TANGO6: variants seen among roughly 807,000 people sequenced by gnomAD.
The protein encoded by TANGO6 is transport and Golgi organization protein 6 homolog.
Under a neutral mutation model 114.2 loss-of-function variants are expected in TANGO6, and 90 were observed. The ratio of observed to expected loss-of-function variants is 0.79; its 90% CI spans 0.66 to 0.94. The LOEUF (loss-of-function observed/expected upper bound fraction) is 0.94, where lower values mean the gene tolerates loss of function less well. Ranked by LOEUF, TANGO6 falls within the 40% of genes least tolerant of loss-of-function variation. The probability of loss-of-function intolerance (pLI) is 0.00; values close to 1 mark genes in which losing one functional copy is unlikely to be tolerated. For missense variants in TANGO6, 1,274 were observed against 1,315.3 expected (o/e 0.97, Z 0.49); for synonymous variants, 477 against 509.8 (o/e 0.94, Z 0.87).
Position 69,058,848 on chromosome 16 carries a change from A to G in TANGO6, c.3108+18427A>G, listed in dbSNP as rs576116712. ...ACCTGGCTAATTTTTTTGTATTTTT[A>G]GTAGAGATAGGGTTTCACCGTGTTA... is the stretch of plus-strand genomic sequence containing the variant. On this transcript the variant is annotated intron_variant, in intron 17 of 17. Transcript: ENST00000261778. Among the ~76,000 whole-genome samples, 118 of 149,918 alleles carry G rather than the reference A, an allele frequency of 7.9e-4. No individual in the cohort carries two copies. The Middle Eastern group carries it at 0.011, about 14-fold the overall frequency.
At chr16:68,851,017 CTTATT>C (rs1381738208) in intron 1 of TANGO6, among the ~76,000 whole-genome samples, 10 of 152,104 alleles carry the variant, frequency 6.6e-5, no homozygotes, top group Non-Finnish European at 1.5e-4. Flanking sequence ...CTGTAGATGA[CTTATT>C]TTAATTAGCT....
At chr16:68,936,386 G>A (rs958723186) in intron 14 of TANGO6, among the ~76,000 whole-genome samples, 1 of 151,946 alleles carries the variant, frequency 6.6e-6, no homozygotes, top group Non-Finnish European at 1.5e-5. Flanking sequence ...TACCCAGGCT[G>A]GAGTGCAATG....
Position 68,867,070 on chromosome 16 carries a change from T to C in TANGO6, c.853-9T>C. 1 of 1,607,718 alleles carries C rather than the reference T, an allele frequency of 6.2e-7. No individual in the cohort carries two copies. The highest frequency in any genetic ancestry group is 8.5e-7 in the Non-Finnish European group (1 of 1,177,774). ...ACATTCAGAATTCACACCTTCTTCT[T>C]TTTCTCAGTCCTGCACAGATGTGAA... On this transcript the variant is annotated splice_polypyrimidine_tract_variant and intron_variant, in intron 3 of 17. Transcript: ENST00000261778.
At chr16:68,878,828 T>G (rs1423037302) in intron 6 of TANGO6, among the ~76,000 whole-genome samples, 2 of 151,694 alleles carry the variant, frequency 1.3e-5, no homozygotes, top group Non-Finnish European at 2.9e-5. Context: ...ATCTCAGCAC[T>G]TTGGGAGGCT....
intron 14 of TANGO6, among the ~76,000 whole-genome samples, chr16:68,966,029 T>C (rs1963641865): frequency 6.6e-6 from 1 of 151,254 alleles, no homozygotes; most frequent in South Asian, 2.1e-4. Context: ...TCCAGGTGTT[T>C]GAGACCAGCT....
At chr16:68,928,298 A>ATTTTTTTTTTTTTTTTTTTTTTT (rs10701295) in intron 13 of TANGO6, among the ~76,000 whole-genome samples, 1 of 98,570 alleles carries the variant, frequency 1.0e-5, no homozygotes, top group Non-Finnish European at 1.9e-5. Context: ...CTGAGTGCCA[A>ATTTTTTTTTTTTTTTTTTTTTTT]TTTTTTTTTT....
chr16:69,000,156 T>G (rs200489446), intron 15 of TANGO6, among the ~76,000 whole-genome samples: 1 of 152,208 alleles, frequency 6.6e-6, no homozygotes, highest in Non-Finnish European at 1.5e-5. Context: ...TTATAGAAGT[T>G]TCACATAATT....
At chr16:68,848,754 G>A (rs577898004) in intron 1 of TANGO6, among the ~76,000 whole-genome samples, 2 of 152,040 alleles carry the variant, frequency 1.3e-5, no homozygotes, top group Non-Finnish European at 2.9e-5. Flanking sequence ...CCAATGAAGT[G>A]ATCTTTTTTG....
chr16:68,970,608 A>G (rs1276859928), intron 14 of TANGO6, among the ~76,000 whole-genome samples: 1 of 150,010 alleles, frequency 6.7e-6, no homozygotes, highest in Non-Finnish European at 1.5e-5. Context: ...TGGAGGTTGC[A>G]GTGAGCTGAG....
chr16:68,853,077 G>T (rs1416289531), intron 1 of TANGO6, among the ~76,000 whole-genome samples: 2 of 151,974 alleles, frequency 1.3e-5, no homozygotes, highest in Non-Finnish European at 2.9e-5. Context: ...ATTTATTTGG[G>T]TTTTTTGTAG....
intron 15 of TANGO6, among the ~76,000 whole-genome samples, chr16:68,997,372 A>G (rs1964001280): frequency 6.6e-6 from 1 of 152,198 alleles, no homozygotes. Flanking sequence ...CTGAACAGGG[A>G]TGGATTATTC....
At chr16:68,939,265 C>T (rs946133843) in intron 14 of TANGO6, among the ~76,000 whole-genome samples, 7 of 152,162 alleles carry the variant, frequency 4.6e-5, no homozygotes, top group African/African-American at 1.7e-4. Flanking sequence ...TGGCAGGCGC[C>T]TGTAATCCCA....
intron 17 of TANGO6, among the ~76,000 whole-genome samples, chr16:69,053,988 C>T (rs773529264): frequency 2.0e-5 from 3 of 152,088 alleles, no homozygotes; most frequent in Non-Finnish European, 4.4e-5. Flanking sequence ...TCGCTAGAAC[C>T]CCGGGGATGG....
At chr16:68,904,202 G>A (rs1237911800) in intron 9 of TANGO6, among the ~76,000 whole-genome samples, 1 of 152,148 alleles carries the variant, frequency 6.6e-6, no homozygotes, top group Non-Finnish European at 1.5e-5. Flanking sequence ...TGCCTCCTGG[G>A]TTCAAGCAAT....
intron 5 of TANGO6, among the ~76,000 whole-genome samples, chr16:68,876,842 A>G (rs1962369879): frequency 6.6e-6 from 1 of 152,114 alleles, no homozygotes; most frequent in Non-Finnish European, 1.5e-5. Flanking sequence ...AACAAAAAAC[A>G]CAGTGTACCT....
intron 3 of TANGO6, 58 bp downstream of exon 3, chr16:68,863,119 G>GTCT (rs140219884): frequency 7.5e-6 from 8 of 1,064,718 alleles, no homozygotes; most frequent in Non-Finnish European, 9.3e-6. Flanking sequence ...GTGGTTTGCT[G>GTCT]TCTTCTTCTG....
intron 14 of TANGO6, among the ~76,000 whole-genome samples, chr16:68,948,023 T>C (rs1963434907): frequency 7.2e-6 from 1 of 138,892 alleles, no homozygotes; most frequent in Admixed American, 6.9e-5. Flanking sequence ...ACAGTGCAGC[T>C]GATATATATA....
chr16:68,934,500 C>T (rs893701643), intron 14 of TANGO6, among the ~76,000 whole-genome samples: 12 of 152,094 alleles, frequency 7.9e-5, no homozygotes, highest in Non-Finnish European at 1.6e-4. Flanking sequence ...TAGGTGAGAA[C>T]GAAAGCTCTA....
chr16:68,923,226 G>A (rs2152193369), intron 12 of TANGO6, among the ~76,000 whole-genome samples: 1 of 151,794 alleles, frequency 6.6e-6, no homozygotes, highest in Non-Finnish European at 1.5e-5. Flanking sequence ...CCAAAGCGCC[G>A]GGATTACAGG....
Sources: allele counts gnomAD v4.1 joint callset (sites outside exome capture counted in the v4.1 genomes callset), GRCh38; gene constraint gnomAD v4.1.1; transcripts MANE v1.5; gene names NCBI Gene and HGNC (gene_info 2026-07-23, HGNC 2026-07-21).